The following DAP3 variants were observed in gnomAD, a reference collection of about 807,000 sequenced individuals.
The protein encoded by DAP3 is small ribosomal subunit protein mS29.
A neutral mutation model predicts 51.9 loss-of-function variants in DAP3; 28 were observed. The observed-to-expected ratio is 0.54, with a 90% CI of 0.40 to 0.74. DAP3 has a LOEUF of 0.74. Among genes scored for constraint, DAP3 ranks in the 30% least tolerant of loss-of-function variants. DAP3 has a pLI of 0.00. For missense variants in DAP3, 458 were observed against 483.5 expected (o/e 0.95, Z 0.49); for synonymous variants, 170 against 170.3 (o/e 1.00, Z 0.01).
At chr1:155,735,282 A>G (rs1256676451) in intron 11 of DAP3, among the ~76,000 whole-genome samples, 1 of 145,294 alleles carries the variant, frequency 6.9e-6, no homozygotes, top group African/African-American at 2.6e-5. Context: ...AAAGAAAAAA[A>G]TAAGTTCCTT....
In DAP3 at chr1:155,723,878, A is replaced by C. The variant is rs573154573; in HGVS notation, c.271-1504A>C. Among the ~76,000 whole-genome samples the C allele has an allele frequency of 2.6e-5, 4 of 152,214 alleles. No homozygotes were observed. In the East Asian group the frequency reaches 7.8e-4, roughly 30 times the overall value. On this transcript the variant is annotated intron_variant, in intron 4 of 12. Transcript: ENST00000368336. ...ACATGGTGAAACTCCATCTCTACTA[A>C]AAATACAAAAATTAGCTGGGCGTGG...
intron 1 of DAP3, among the ~76,000 whole-genome samples, chr1:155,705,859 C>T (rs1056833432): frequency 6.6e-6 from 1 of 151,914 alleles, no homozygotes; most frequent in Non-Finnish European, 1.5e-5. Context: ...CACCACCATG[C>T]CAGGCTTATT....
intron 11 of DAP3, among the ~76,000 whole-genome samples, chr1:155,732,374 C>T (rs1031814013): frequency 2.6e-5 from 4 of 151,914 alleles, no homozygotes; most frequent in African/African-American, 9.7e-5. Context: ...GGATTACAGG[C>T]GTCCACTACC....
chr1:155,714,888 A>G (rs1657143980), intron 2 of DAP3, among the ~76,000 whole-genome samples: 1 of 151,796 alleles, frequency 6.6e-6, no homozygotes, highest in African/African-American at 2.4e-5. Flanking sequence ...CAGAGATAAC[A>G]TATATTTTCT....
At chr1:155,709,444 G>T (rs1656423225) in intron 1 of DAP3, among the ~76,000 whole-genome samples, 1 of 152,130 alleles carries the variant, frequency 6.6e-6, no homozygotes, top group South Asian at 2.1e-4. Flanking sequence ...GTACATGTGA[G>T]CCACTGTGTC....
chr1:155,729,253 C>G lies in DAP3; in HGVS notation c.730C>G (p.Leu244Val). The change falls in exon 9 of 13, where the codon CTG (leucine) becomes GTG (valine). Residue 244 changes from leucine to valine, a missense_variant. Physicochemically the swap from Leu to Val is conservative, Grantham distance 32. Transcript: ENST00000368336. The part of the protein sequence containing the change: ...RNATDAVGIV[L>V]KELKRQSSLG... ...CGCCACAGATGCAGTTGGAATTGTG[C>G]TGAAAGAGCTAAAGAGGCAAAGTTC... is the stretch of plus-strand genomic sequence containing the variant. 1 of 1,614,160 alleles carries G rather than the reference C, an allele frequency of 6.2e-7. No homozygotes were observed. The highest frequency in any genetic ancestry group is 1.1e-5 in the South Asian group (1 of 91,084).
At chr1:155,729,969 A>G (rs1444243288) in intron 9 of DAP3, among the ~76,000 whole-genome samples, 3 of 151,232 alleles carry the variant, frequency 2.0e-5, no homozygotes, top group Non-Finnish European at 4.4e-5. Context: ...AATCCCAGTT[A>G]CTCGGGAGGC....
Position 155,731,817 on chromosome 1 carries a change from A to G in DAP3, c.904-127A>G, listed in dbSNP as rs370038319. 543 of 872,666 alleles carry G rather than the reference A, an allele frequency of 6.2e-4. 6 individuals carry two copies. In the South Asian group the frequency reaches 0.011, roughly 17 times the overall value. 54.1% of individuals were successfully genotyped at this position (872,666 alleles called of 1,614,324 possible). A position where few individuals can be genotyped will look rare whatever the true frequency, so the allele number is the denominator to read the frequency against. On this transcript the variant is annotated intron_variant, in intron 10 of 12. Transcript: ENST00000368336. ...GGAATAACCAATTTAGTTGCCATTTAACTGTGCTAGACCACACTTTTGTAA... is the reference window on the plus strand; with the variant it reads ...GGAATAACCAATTTAGTTGCCATTTGACTGTGCTAGACCACACTTTTGTAA...
At chr1:155,721,398 A>G (rs1657994376) in intron 3 of DAP3, 119 bp from the exon 4 acceptor site, 2 of 439,988 alleles carry the variant, frequency 4.5e-6, no homozygotes, top group Non-Finnish European at 7.8e-6. Flanking sequence ...ATATGTATGT[A>G]TGTATATATA....
rs1228636418 is a variant in DAP3, at chr1:155,704,390, C to A, written c.-7-5383C>A. Among the ~76,000 whole-genome samples the A allele has an allele frequency of 2.0e-5, 3 of 152,188 alleles. No individual in the cohort carries two copies. In the East Asian group the frequency reaches 5.8e-4, roughly 29 times the overall value. On this transcript the variant is annotated intron_variant, in intron 1 of 12. Coordinates refer to ENST00000368336, the MANE Select transcript of DAP3 (RefSeq NM_004632.4). The stretch of plus-strand genomic sequence containing the variant: ...GGAAAGAAGTGCATCTGGACCATGT[C>A]ACACACTCCTTCCTCTCCAGTACCC...
At chr1:155,730,690 T>C (rs1011229631) in intron 9 of DAP3, among the ~76,000 whole-genome samples, 12 of 152,166 alleles carry the variant, frequency 7.9e-5, no homozygotes, top group Admixed American at 2.6e-4. Context: ...AGTTCCACTA[T>C]TCATTGAAAA....
chr1:155,701,120 C>T lies in DAP3; in HGVS notation c.-7-8653C>T, dbSNP rs1285609891. On this transcript the variant is annotated intron_variant, in intron 1 of 12. Transcript: ENST00000368336. The stretch of plus-strand genomic sequence containing the variant: ...GAGGTGAGGGGCGCCTCTGCCCGGC[C>T]GCCCCTACTGGGAAGTGAGTAGCCC... 3.9e-5 allele frequency among the ~76,000 whole-genome samples: 5 copies of T among 127,382 alleles called. No homozygotes were observed. In the South Asian group the frequency reaches 1.3e-3, roughly 32 times the overall value. 83.6% of individuals were successfully genotyped at this position (127,382 alleles called of 152,430 possible). A position where few individuals can be genotyped will look rare whatever the true frequency, so the allele number is the denominator to read the frequency against.
At chr1:155,705,812 C>T (rs914375041) in intron 1 of DAP3, among the ~76,000 whole-genome samples, 7 of 152,002 alleles carry the variant, frequency 4.6e-5, no homozygotes, top group South Asian at 4.2e-4. Flanking sequence ...GCGATTCTCC[C>T]GCCTCAGCCT....
chr1:155,720,814 G>A lies in DAP3; in HGVS notation c.169-703G>A, dbSNP rs188655915. On this transcript the variant is annotated intron_variant, in intron 3 of 12. Coordinates refer to ENST00000368336, the MANE Select transcript of DAP3 (RefSeq NM_004632.4). ...AGCACTTTGGGAGGTCGAGGTGAGC[G>A]GATCACGAGGTCAAGAGATCAAGAC... is the stretch of plus-strand genomic sequence containing the variant. Among the ~76,000 whole-genome samples the A allele has an allele frequency of 2.6e-4, 40 of 152,038 alleles. 1 individual carries two copies. Among genetic ancestry groups the A allele is most frequent in the Middle Eastern group, 6.8e-3 (2 of 294 alleles).
intron 1 of DAP3, among the ~76,000 whole-genome samples, chr1:155,691,606 T>G (rs1653826855): frequency 7.1e-6 from 1 of 141,616 alleles, no homozygotes. Context: ...TACCTGAGAG[T>G]GGAATTGCAG....
At chr1:155,727,397 G>C in intron 6 of DAP3, 1 of 356,884 alleles carries the variant, frequency 2.8e-6, no homozygotes, top group Non-Finnish European at 4.7e-6. Context: ...CTGAGCCTAG[G>C]AGTTCAAGGT....
chr1:155,688,723 G>T, upstream of DAP3: 1 of 1,196,036 alleles, frequency 8.4e-7, no homozygotes, highest in South Asian at 1.3e-5. Context: ...CTCCCCGCCC[G>T]CACGGCCACC....
At position 155,723,486 on chromosome 1, in the gene DAP3, G is replaced by A. The variant is rs149235236; in HGVS notation, c.270+1868G>A. On this transcript the variant is annotated intron_variant, in intron 4 of 12. Transcript: ENST00000368336. ...TGGGATTACAGGTGCTCGCCACCAC[G>A]CCTGGCTAATTTTTATATTTTTAGT... Among the ~76,000 whole-genome samples the A allele has an allele frequency of 6.0e-4, 92 of 152,158 alleles. 1 individual carries two copies. The highest frequency in any genetic ancestry group is 1.5e-3 in the African/African-American group (62 of 41,532).
Position 155,738,496 on chromosome 1 carries a change from G to T in DAP3, c.*254G>T. 2.5e-6 allele frequency: 1 copy of T among 405,520 alleles called. No homozygotes were observed. Among genetic ancestry groups the T allele is most frequent in the Non-Finnish European group, 4.4e-6 (1 of 228,252 alleles). 25.1% of individuals were successfully genotyped at this position (405,520 alleles called of 1,614,324 possible). On this transcript the variant is annotated 3_prime_UTR_variant, in exon 13 of 13. Coordinates refer to ENST00000368336, the MANE Select transcript of DAP3 (RefSeq NM_004632.4). The stretch of plus-strand genomic sequence containing the variant: ...GTTTTTCACATTTAAGATAATTATG[G>T]CTCTTTTCCTAAAAAATAAAATATC...
Sources: gnomAD v4.1 joint callset for allele counts (sites outside exome capture counted in the v4.1 genomes callset) on GRCh38, gnomAD v4.1.1 for gene constraint, MANE v1.5 for transcripts, NCBI Gene and HGNC (gene_info 2026-07-23, HGNC 2026-07-21) for gene names.